The following CHCHD6 variants were observed in gnomAD, a reference collection of about 807,000 sequenced individuals.
The protein encoded by CHCHD6 is coiled-coil-helix-coiled-coil-helix domain containing 6, also known as MICOS complex subunit MIC25.
In CHCHD6, 28 loss-of-function variants were observed where a neutral mutation model predicts 32.3. The ratio of observed to expected loss-of-function variants is 0.87; its 90% CI spans 0.64 to 1.19. The LOEUF (loss-of-function observed/expected upper bound fraction) is 1.19. Ranked by LOEUF, CHCHD6 falls within the 50% of genes most tolerant of loss-of-function variation. The pLI is 0.00. For missense variants in CHCHD6, 333 were observed against 307.0 expected (o/e 1.08, Z -0.63); for synonymous variants, 122 against 117.5 (o/e 1.04, Z -0.25).
intron 5 of CHCHD6, among the ~76,000 whole-genome samples, chr3:126,859,894 G>T (rs532422032): frequency 6.6e-6 from 1 of 152,330 alleles, no homozygotes; most frequent in South Asian, 2.1e-4. Context: ...TGGCGTGAAG[G>T]CCCCGTGAGC....
At chr3:126,934,980 T>G in intron 6 of CHCHD6, 1 of 215,718 alleles carries the variant, frequency 4.6e-6, no homozygotes, top group Non-Finnish European at 8.0e-6. Flanking sequence ...GAGGAAATGG[T>G]CACATCAATT....
rs2078014628 is a variant in CHCHD6, at chr3:126,906,832, GA to G, written c.496-7845del. Among the ~76,000 whole-genome samples the G allele has an allele frequency of 5.3e-5, 8 of 152,308 alleles. 1 individual carries two copies. The South Asian group carries it at 1.7e-3, about 32-fold the overall frequency. On this transcript the variant is annotated intron_variant, in intron 5 of 7. Coordinates refer to ENST00000290913, the MANE Select transcript of CHCHD6 (RefSeq NM_032343.3). Reference sequence around the variant, plus strand: ...TATTCATTGGATCCTCAGCACCCCTGAAAGCTAGGTAGGAGTTTTTCTCCCT... The same window carrying G: ...TATTCATTGGATCCTCAGCACCCCTGAAGCTAGGTAGGAGTTTTTCTCCCT...
chr3:126,831,917 G>T (rs766850070), intron 4 of CHCHD6, among the ~76,000 whole-genome samples: 1 of 152,200 alleles, frequency 6.6e-6, no homozygotes, highest in African/African-American at 2.4e-5. Context: ...TAACTCAGTG[G>T]GTGTGGTAGC....
chr3:126,924,422 C>T (rs1035016990), intron 6 of CHCHD6, among the ~76,000 whole-genome samples: 5 of 152,182 alleles, frequency 3.3e-5, no homozygotes, highest in South Asian at 4.1e-4. Context: ...CACACTCTCA[C>T]GTATAGCTTG....
intron 4 of CHCHD6, among the ~76,000 whole-genome samples, chr3:126,849,784 C>A (rs1367565615): frequency 6.6e-6 from 1 of 152,212 alleles, no homozygotes; most frequent in East Asian, 1.9e-4. Context: ...AGCAGAAATT[C>A]TCTCTCTGGC....
intron 4 of CHCHD6, among the ~76,000 whole-genome samples, chr3:126,818,629 C>T (rs1372719058): frequency 2.0e-5 from 3 of 152,240 alleles, no homozygotes; most frequent in African/African-American, 7.2e-5. Context: ...AACTCTCCTG[C>T]CCACAGAGGC....
rs528280564 is a variant in CHCHD6, at chr3:126,932,473, C to T, written c.566+17723C>T. Among the ~76,000 whole-genome samples, 23 of 152,360 alleles carry T rather than the reference C, an allele frequency of 1.5e-4. No individual in the cohort carries two copies. In the East Asian group the frequency reaches 4.4e-3, roughly 29 times the overall value. On this transcript the variant is annotated intron_variant, in intron 6 of 7. Transcript: ENST00000290913. ...AAAGCCTCTAAATCCATCCTGACTT[C>T]TGAACTGCCTCAAAGAGATCTGTTA...
At chr3:126,931,195 CTCCACCTACCT>C (rs2107598590) in intron 6 of CHCHD6, among the ~76,000 whole-genome samples, 1 of 152,366 alleles carries the variant, frequency 6.6e-6, no homozygotes, top group East Asian at 1.9e-4. Context: ...TGGGGACACC[CTCCACCTACCT>C]TCCCATGGAA....
At chr3:126,861,307 C>T (rs181736636) in intron 5 of CHCHD6, among the ~76,000 whole-genome samples, 35 of 152,056 alleles carry the variant, frequency 2.3e-4, no homozygotes, top group African/African-American at 7.5e-4. Context: ...ACTTTTAAGT[C>T]GTGGCTTCCC....
chr3:126,710,315 G>A (rs1353015909), intron 1 of CHCHD6, among the ~76,000 whole-genome samples: 1 of 152,158 alleles, frequency 6.6e-6, no homozygotes, highest in Non-Finnish European at 1.5e-5. Context: ...CTGTCCTTAT[G>A]CCAGTACCAT....
chr3:126,788,194 A>G (rs541952932), intron 4 of CHCHD6, among the ~76,000 whole-genome samples: 9 of 152,274 alleles, frequency 5.9e-5, no homozygotes, highest in African/African-American at 1.9e-4. Context: ...CATGGTGGAT[A>G]AGCTTTTTGA....
chr3:126,815,337 C>G (rs1939837287), intron 4 of CHCHD6, among the ~76,000 whole-genome samples: 3 of 152,136 alleles, frequency 2.0e-5, no homozygotes, highest in Admixed American at 6.5e-5. Flanking sequence ...TCCAGCCATC[C>G]TCTGTATGCC....
At chr3:126,848,606 A>T (rs1046451060) in intron 4 of CHCHD6, among the ~76,000 whole-genome samples, 6 of 152,222 alleles carry the variant, frequency 3.9e-5, no homozygotes, top group Non-Finnish European at 1.5e-5. Flanking sequence ...TATTTTTTAG[A>T]GCAACATATT....
At chr3:126,718,126 T>C (rs1490431003) in intron 1 of CHCHD6, among the ~76,000 whole-genome samples, 2 of 152,172 alleles carry the variant, frequency 1.3e-5, no homozygotes, top group Admixed American at 1.3e-4. Context: ...AATTTAATTT[T>C]GTGTACAGTA....
Position 126,768,035 on chromosome 3 carries a change from G to A in CHCHD6, c.411+34813G>A, listed in dbSNP as rs1253546601. Among the ~76,000 whole-genome samples the A allele has an allele frequency of 5.9e-5, 9 of 152,078 alleles. No individual in the cohort carries two copies. The East Asian group carries it at 1.2e-3, about 20-fold the overall frequency. On this transcript the variant is annotated intron_variant, in intron 4 of 7. Coordinates refer to ENST00000290913, the MANE Select transcript of CHCHD6 (RefSeq NM_032343.3). ...AGGTTGATGCCATGTCTTTCCTATC[G>A]TGAATAGTGCTGCAGTGAACATATG... is the stretch of plus-strand genomic sequence containing the variant.
intron 4 of CHCHD6, among the ~76,000 whole-genome samples, chr3:126,736,603 A>C (rs776805100): frequency 1.3e-5 from 2 of 152,206 alleles, no homozygotes; most frequent in African/African-American, 2.4e-5. Flanking sequence ...TATAAAACTA[A>C]TGACAAGGAA....
intron 6 of CHCHD6, among the ~76,000 whole-genome samples, chr3:126,927,723 T>A (rs999969953): frequency 2.0e-5 from 3 of 152,268 alleles, no homozygotes; most frequent in Non-Finnish European, 2.9e-5. Context: ...GTGTTACATT[T>A]AGATTAGCTT....
chr3:126,767,675 A>C (rs1937433936), intron 4 of CHCHD6, among the ~76,000 whole-genome samples: 3 of 152,162 alleles, frequency 2.0e-5, no homozygotes, highest in South Asian at 4.1e-4. Flanking sequence ...GGTTTGGTGT[A>C]CTAATAATTT....
intron 4 of CHCHD6, among the ~76,000 whole-genome samples, chr3:126,851,809 A>G (rs1036876036): frequency 2.0e-5 from 3 of 152,150 alleles, no homozygotes; most frequent in Admixed American, 2.0e-4. Context: ...GGTTTCCTTT[A>G]ACCTTCTGTA....
Sources: gnomAD v4.1 joint callset for allele counts (sites outside exome capture counted in the v4.1 genomes callset) on GRCh38, gnomAD v4.1.1 for gene constraint, MANE v1.5 for transcripts, NCBI Gene and HGNC (gene_info 2026-07-23, HGNC 2026-07-21) for gene names.